LGI4: variants seen among roughly 807,000 people sequenced by gnomAD.
LGI4 encodes the protein leucine-rich repeat LGI family member 4.
A neutral mutation model predicts 48.3 loss-of-function variants in LGI4; 36 were observed. The ratio of observed to expected loss-of-function variants is 0.75; its 90% CI spans 0.57 to 0.98. The LOEUF is 0.98. Among genes scored for constraint, LGI4 ranks in the 50% least tolerant of loss-of-function variants. LGI4 has a pLI of 0.00. For missense variants in LGI4, 701 were observed against 732.1 expected (o/e 0.96, Z 0.49); for synonymous variants, 355 against 331.6 (o/e 1.07, Z -0.77).
intron 1 of LGI4, 68 bp downstream of exon 1, chr19:35,134,443 C>A (rs2065195689): frequency 1.3e-6 from 2 of 1,497,626 alleles, no homozygotes; most frequent in East Asian, 2.4e-5. Context: ...CCCGGCACCA[C>A]ATCCCAACCT....
chr19:35,132,623 A>G (rs1448406489), intron 3 of LGI4, among the ~76,000 whole-genome samples: 2 of 152,132 alleles, frequency 1.3e-5, no homozygotes, highest in Non-Finnish European at 2.9e-5. Context: ...CACTAGCATC[A>G]TTGTCACCAA....
chr19:35,133,769 C>T lies in LGI4; in HGVS notation c.243-5G>A, dbSNP rs769146768. ...AAGGAGTTGGAGGTGAAGAGGCTGGCAAGGGGGCAAGAAAGAAATTTTTCC... is the reference window on the plus strand; with the variant it reads ...AAGGAGTTGGAGGTGAAGAGGCTGGTAAGGGGGCAAGAAAGAAATTTTTCC... On this transcript the variant is annotated splice_region_variant and splice_polypyrimidine_tract_variant and intron_variant, in intron 2 of 8. Transcript: ENST00000310123. 1 of 1,602,280 alleles carries T rather than the reference C, an allele frequency of 6.2e-7. No individual in the cohort carries two copies. Among genetic ancestry groups the T allele is most frequent in the South Asian group, 1.1e-5 (1 of 88,376 alleles).
chr19:35,125,052 G>T lies in LGI4; in HGVS notation c.*141C>A. 1 of 632,740 alleles carries T rather than the reference G, an allele frequency of 1.6e-6. No individual in the cohort carries two copies. Among genetic ancestry groups the T allele is most frequent in the Non-Finnish European group, 2.5e-6 (1 of 397,500 alleles). 39.2% of individuals were successfully genotyped at this position (632,740 alleles called of 1,614,324 possible). ...ATGGGTGCAGATCCTTTAAGAAGTG[G>T]GCTTAAGGCCTAGACGTGTGGCTGA... On this transcript the variant is annotated 3_prime_UTR_variant, in exon 9 of 9. Coordinates refer to ENST00000310123, the MANE Select transcript of LGI4 (RefSeq NM_139284.3).
chr19:35,132,671 TATC>T (rs965585940), intron 3 of LGI4, among the ~76,000 whole-genome samples: 9 of 151,974 alleles, frequency 5.9e-5, no homozygotes, highest in African/African-American at 1.9e-4. Flanking sequence ...CCATCACCAA[TATC>T]ATCATTACCA....
At chr19:35,134,471 C>T (rs923181618) in intron 1 of LGI4, 40 bp downstream of exon 1, 2 of 1,554,054 alleles carry the variant, frequency 1.3e-6, no homozygotes. Context: ...CCCAGGACTT[C>T]CGTCCCCACC....
At position 35,125,099 on chromosome 19, in the gene LGI4, A is replaced by G; in HGVS notation, c.*94T>C. On this transcript the variant is annotated 3_prime_UTR_variant, in exon 9 of 9. Transcript: ENST00000310123. ...CTGATGAACGTGGCCCACGGTCAGC[A>G]GCTCACAGGCGGGCCATCACCCCAA... 3.6e-6 allele frequency: 4 copies of G among 1,100,686 alleles called. No individual in the cohort carries two copies. The highest frequency in any genetic ancestry group is 5.1e-6 in the Non-Finnish European group (4 of 784,550). 68.2% of individuals were successfully genotyped at this position (1,100,686 alleles called of 1,614,324 possible).
chr19:35,133,490 T>C, intron 3 of LGI4: 1 of 1,411,738 alleles, frequency 7.1e-7, no homozygotes, highest in Non-Finnish European at 9.2e-7. Flanking sequence ...ATAAACATCA[T>C]TGACACCAGC....
chr19:35,133,574 C>G (rs1402305153), intron 3 of LGI4, 119 bp downstream of exon 3: 1 of 1,482,214 alleles, frequency 6.7e-7, no homozygotes, highest in Non-Finnish European at 9.0e-7. Flanking sequence ...ACCATCCCAC[C>G]ATGATGTCCA....
At chr19:35,133,335 C>T (rs572841842) in intron 3 of LGI4, 8 of 1,114,344 alleles carry the variant, frequency 7.2e-6, no homozygotes, top group African/African-American at 1.7e-5. Context: ...AGAGTTGTTT[C>T]CTGGTCATTT....
chr19:35,134,743 A>G lies in LGI4; in HGVS notation c.-63T>C, dbSNP rs945248122. On this transcript the variant is annotated 5_prime_UTR_variant, in exon 1 of 9. It removes the in-frame stop codon of an upstream open reading frame in the 5' UTR. Coordinates refer to ENST00000310123, the MANE Select transcript of LGI4 (RefSeq NM_139284.3). The stretch of plus-strand genomic sequence containing the variant: ...CCCACCCAGCTCAGCCCAGGCCACT[A>G]CGTCTCCTCCTCCACCAGGCCGCCC... 1.9e-5 allele frequency: 17 copies of G among 876,442 alleles called. No individual in the cohort carries two copies. In the Admixed American group the frequency reaches 2.1e-4, roughly 11 times the overall value. The allele number at this position is 876,442 out of a possible 1,614,324, so 54.3% of individuals were successfully genotyped here.
intron 6 of LGI4, among the ~76,000 whole-genome samples, chr19:35,130,453 G>A (rs2065167318): frequency 6.6e-6 from 1 of 152,140 alleles, no homozygotes; most frequent in Non-Finnish European, 1.5e-5. Flanking sequence ...GGGAGGCTGA[G>A]GTAGGAAGAT....
At position 35,125,516 on chromosome 19, in the gene LGI4, G is replaced by A. The variant is rs556636000; in HGVS notation, c.1300-9C>T. 3.9e-6 allele frequency: 6 copies of A among 1,530,004 alleles called. No homozygotes were observed. The East Asian group carries it at 1.2e-4, about 30-fold the overall frequency. 94.8% of individuals were successfully genotyped at this position (1,530,004 alleles called of 1,614,324 possible). A position where few individuals can be genotyped will look rare whatever the true frequency, so the allele number is the denominator to read the frequency against. On this transcript the variant is annotated splice_polypyrimidine_tract_variant and intron_variant, in intron 8 of 8. Coordinates refer to ENST00000310123, the MANE Select transcript of LGI4 (RefSeq NM_139284.3). ...CCGTCCCAGCGCATGACCTGTGGGGGTGTGGCCAGTGAGGGCCTGGGGTCC... is the reference window on the plus strand; with the variant it reads ...CCGTCCCAGCGCATGACCTGTGGGGATGTGGCCAGTGAGGGCCTGGGGTCC...
chr19:35,131,222 C>T lies in LGI4; in HGVS notation c.628+164G>A, dbSNP rs998692184. 2.1e-5 allele frequency: 17 copies of T among 814,472 alleles called. 2 individuals carry two copies. Among genetic ancestry groups the T allele is most frequent in the Admixed American group, 1.4e-4 (7 of 49,102 alleles). The allele number at this position is 814,472 out of a possible 1,614,324, so 50.5% of individuals were successfully genotyped here. ...CACTCCTATATCACTGTTTATTACC[C>T]CCACTTTACAGATGAGAAAACTGGG... is the stretch of plus-strand genomic sequence containing the variant. On this transcript the variant is annotated intron_variant, in intron 6 of 8. Transcript: ENST00000310123.
At chr19:35,133,484 A>G (rs563990880) in intron 3 of LGI4, 1 of 1,407,488 alleles carries the variant, frequency 7.1e-7, no homozygotes, top group Admixed American at 3.1e-5. Context: ...ACACTGATAA[A>G]CATCATTGAC....
intron 7 of LGI4, 37 bp from the exon 8 acceptor site, chr19:35,126,812 G>T: frequency 6.3e-7 from 1 of 1,592,606 alleles, no homozygotes; most frequent in African/African-American, 1.3e-5. Context: ...GGCCAGCCAG[G>T]CAGGCTGCTG....
At chr19:35,131,703 C>T in intron 5 of LGI4, 86 bp downstream of exon 5, 1 of 1,399,100 alleles carries the variant, frequency 7.1e-7, no homozygotes, top group Non-Finnish European at 9.9e-7. Flanking sequence ...CAAATGCATG[C>T]ACGCCAACCA....
Position 35,134,934 on chromosome 19 carries a change from T to A in LGI4, c.-254A>T, listed in dbSNP as rs925218280. On this transcript the variant is annotated 5_prime_UTR_variant, in exon 1 of 9. Transcript: ENST00000310123. ...TTTTTGACTCTGTGTGTTAGTCTGTTTCTATTTCTGTCTTTGTCTCTCTTT... is the reference window on the plus strand; with the variant it reads ...TTTTTGACTCTGTGTGTTAGTCTGTATCTATTTCTGTCTTTGTCTCTCTTT... The A allele has an allele frequency of 4.1e-6, 2 of 493,352 alleles. No individual in the cohort carries two copies. The highest frequency in any genetic ancestry group is 7.1e-6 in the Non-Finnish European group (2 of 281,548). The allele number at this position is 493,352 out of a possible 1,614,324, so 30.6% of individuals were successfully genotyped here. A position where few individuals can be genotyped will look rare whatever the true frequency, so the allele number is the denominator to read the frequency against.
intron 5 of LGI4, 50 bp downstream of exon 5, chr19:35,131,739 G>A (rs369338374): frequency 3.3e-5 from 49 of 1,465,416 alleles, no homozygotes; most frequent in Middle Eastern, 2.0e-4. Context: ...GCCCCCCGCC[G>A]ACACAAACAT....
In LGI4 at chr19:35,126,386, C is replaced by T; in HGVS notation, c.1183G>A (p.Gly395Ser). 1.9e-6 allele frequency: 3 copies of T among 1,610,862 alleles called. No homozygotes were observed. The highest frequency in any genetic ancestry group is 2.5e-6 in the Non-Finnish European group (3 of 1,179,482). The change falls in exon 8 of 9, where the codon GGC becomes AGC. Residue 395 changes from glycine to serine, a missense_variant. Around this residue, in one of 3 missense-constraint regions of LGI4, gnomAD observed 223 missense variants for 263.3 expected, o/e 0.85. Transcript: ENST00000310123. ...ATGTCTGTGCGTCTCTCGAAGCGGC[C>T]ACCGGTCCAGTGGAAGAGCACGGGC... is the stretch of plus-strand genomic sequence containing the variant. ...QRPVLFHWTG[G>S]RFERRTDIPE...
Sources: allele counts gnomAD v4.1 joint callset (sites outside exome capture counted in the v4.1 genomes callset), GRCh38; gene constraint gnomAD v4.1.1; regional missense constraint gnomAD v4.1.1; transcripts MANE v1.5; gene names NCBI Gene and HGNC (gene_info 2026-07-23, HGNC 2026-07-21).